POLR3B: variants seen among roughly 807,000 people sequenced by gnomAD.
POLR3B encodes the protein DNA-directed RNA polymerase III subunit RPC2.
In POLR3B, 96 loss-of-function variants were observed where a neutral mutation model predicts 147.4. The observed-to-expected ratio is 0.65, with a 90% CI of 0.55 to 0.77. The LOEUF is 0.77. Among genes scored for constraint, POLR3B ranks in the 30% least tolerant of loss-of-function variants. The pLI is 0.00. For synonymous variants in POLR3B, 461 were observed against 485.9 expected (o/e 0.95, Z 0.67); for missense variants, 1,036 against 1,413.5 (o/e 0.73, Z 4.28).
intron 27 of POLR3B, among the ~76,000 whole-genome samples, chr12:106,505,361 C>T (rs996408310): frequency 6.8e-6 from 1 of 148,130 alleles, no homozygotes; most frequent in African/African-American, 2.5e-5. Flanking sequence ...GATCTCGGCT[C>T]ACTGCAGCCT....
intron 19 of POLR3B, among the ~76,000 whole-genome samples, chr12:106,451,006 A>G (rs145806157): frequency 6.6e-6 from 1 of 152,214 alleles, no homozygotes; most frequent in Non-Finnish European, 1.5e-5. Flanking sequence ...AGCCATAAAA[A>G]GAATGAAGCA....
chr12:106,454,671 T>A lies in POLR3B; in HGVS notation c.2253T>A (p.Ile751=). Residue 751 remains isoleucine, a synonymous_variant, in exon 20 of 28, where the codon ATT becomes ATA. Coordinates refer to ENST00000228347, the MANE Select transcript of POLR3B (RefSeq NM_018082.6). ...VAVMSYSGYD[I]EDALVLNKAS... ...TGATGAGCTATAGTGGCTATGATAT[T>A]GAAGATGCTCTTGTTTTAAACAAGG... The A allele has an allele frequency of 1.9e-6, 3 of 1,611,836 alleles. No individual in the cohort carries two copies. Among genetic ancestry groups the A allele is most frequent in the Non-Finnish European group, 2.5e-6 (3 of 1,178,044 alleles).
intron 23 of POLR3B, among the ~76,000 whole-genome samples, chr12:106,466,835 T>C (rs1271616360): frequency 1.3e-5 from 2 of 152,234 alleles, no homozygotes; most frequent in Admixed American, 6.5e-5. Context: ...ACCAGTACCA[T>C]GCTGTTTTGG....
At chr12:106,386,342 C>CAAAA (rs61272699) in intron 9 of POLR3B, among the ~76,000 whole-genome samples, 4 of 104,924 alleles carry the variant, frequency 3.8e-5, no homozygotes, top group African/African-American at 1.3e-4. Context: ...GACTCCGTCT[C>CAAAA]AAAAAAAAAA....
At chr12:106,429,070 T>G in intron 13 of POLR3B, among the ~76,000 whole-genome samples, 1 of 152,218 alleles carries the variant, frequency 6.6e-6, no homozygotes, top group Non-Finnish European at 1.5e-5. Context: ...CATTCCTGGC[T>G]TTTATTGGGT....
intron 7 of POLR3B, 102 bp downstream of exon 7, chr12:106,376,552 C>A: frequency 1.2e-6 from 1 of 827,914 alleles, no homozygotes; most frequent in Non-Finnish European, 2.0e-6. Context: ...AGCTTTTCTA[C>A]TTTATAATGA....
chr12:106,423,549 A>T (rs1187756040), intron 12 of POLR3B, among the ~76,000 whole-genome samples: 4 of 152,192 alleles, frequency 2.6e-5, no homozygotes, highest in Non-Finnish European at 5.9e-5. Context: ...ACTGAGGCTG[A>T]ATGCCTGAGA....
intron 26 of POLR3B, 61 bp downstream of exon 26, chr12:106,501,497 C>T: frequency 9.7e-7 from 1 of 1,029,958 alleles, no homozygotes; most frequent in Non-Finnish European, 1.5e-6. Context: ...TTGTATTTTC[C>T]AGATATGGCA....
intron 9 of POLR3B, among the ~76,000 whole-genome samples, chr12:106,384,192 A>G (rs769811008): frequency 9.2e-5 from 14 of 152,226 alleles, no homozygotes; most frequent in Non-Finnish European, 1.0e-4. Flanking sequence ...CACAATATCT[A>G]CAAAGCCCAA....
Position 106,363,853 on chromosome 12 carries a change from C to T in POLR3B, c.73-17C>T. On this transcript the variant is annotated splice_polypyrimidine_tract_variant and intron_variant, in intron 1 of 27. Transcript: ENST00000228347. The stretch of plus-strand genomic sequence containing the variant: ...GCTGGTACAGAGTTCTGATATTCTT[C>T]TTGTTTTGGCTCACAGGAAAAATGG... 3 of 1,599,722 alleles carry T rather than the reference C, an allele frequency of 1.9e-6. No individual in the cohort carries two copies. Among genetic ancestry groups the T allele is most frequent in the Non-Finnish European group, 2.6e-6 (3 of 1,167,840 alleles).
intron 10 of POLR3B, among the ~76,000 whole-genome samples, chr12:106,397,621 G>A (rs896484576): frequency 2.0e-5 from 3 of 152,134 alleles, no homozygotes; most frequent in Non-Finnish European, 4.4e-5. Flanking sequence ...TGAGCTTATT[G>A]TCTAAGATTC....
intron 12 of POLR3B, among the ~76,000 whole-genome samples, chr12:106,420,190 C>T (rs1358294880): frequency 6.6e-6 from 1 of 152,152 alleles, no homozygotes; most frequent in East Asian, 1.9e-4. Flanking sequence ...ATAGTCCCCA[C>T]CCAGATGTGG....
intron 12 of POLR3B, among the ~76,000 whole-genome samples, chr12:106,416,832 A>G (rs1021307114): frequency 6.6e-6 from 1 of 152,100 alleles, no homozygotes; most frequent in Non-Finnish European, 1.5e-5. Context: ...ATCTCATGCC[A>G]AAGTGAGGCA....
intron 10 of POLR3B, among the ~76,000 whole-genome samples, chr12:106,404,093 GTTTT>G (rs372930203): frequency 1.5e-5 from 2 of 136,004 alleles, no homozygotes; most frequent in East Asian, 2.2e-4. Context: ...GTTGTTTTTT[GTTTT>G]TTTTTTTTTT....
intron 23 of POLR3B, among the ~76,000 whole-genome samples, chr12:106,470,508 G>C (rs1418109795): frequency 6.6e-6 from 1 of 152,128 alleles, no homozygotes; most frequent in African/African-American, 2.4e-5. Context: ...GCAAGGAGTT[G>C]TGTTCCTTTG....
intron 27 of POLR3B, chr12:106,507,775 G>A (rs753850956): frequency 7.2e-5 from 33 of 455,774 alleles, no homozygotes; most frequent in South Asian, 3.9e-4. Context: ...CCACCACCAC[G>A]TGCACATTCT....
chr12:106,397,710 C>A (rs1027161797), intron 10 of POLR3B, among the ~76,000 whole-genome samples: 1 of 152,048 alleles, frequency 6.6e-6, no homozygotes, highest in African/African-American at 2.4e-5. Flanking sequence ...AGTAGTATTT[C>A]GTTATATGAA....
intron 26 of POLR3B, among the ~76,000 whole-genome samples, chr12:106,501,801 A>G (rs1012614072): frequency 6.6e-6 from 1 of 152,232 alleles, no homozygotes; most frequent in Non-Finnish European, 1.5e-5. Flanking sequence ...GTGCACACAG[A>G]AGACACATGC....
chr12:106,360,932 A>G (rs10861580), intron 1 of POLR3B, among the ~76,000 whole-genome samples: 58,017 of 152,074 alleles, frequency 0.38, 12,851 homozygotes, highest in African/African-American at 0.61. Flanking sequence ...AATGGTAGCT[A>G]GGATGTGATG....
Sources: gnomAD v4.1 joint callset for allele counts (sites outside exome capture counted in the v4.1 genomes callset) on GRCh38, gnomAD v4.1.1 for gene constraint, MANE v1.5 for transcripts, NCBI Gene and HGNC (gene_info 2026-07-23, HGNC 2026-07-21) for gene names.